Variants in DNAJC12 observed in about 807,000 individuals in gnomAD.
DNAJC12 encodes the protein DnaJ heat shock protein family (Hsp40) member C12, also known as dnaJ homolog subfamily C member 12.
DNAJC12 carries 25 observed loss-of-function variants against 28.5 expected under a neutral mutation model. The ratio of observed to expected loss-of-function variants is 0.88; its 90% CI spans 0.64 to 1.22. DNAJC12 has a LOEUF of 1.22. Ranked by LOEUF, DNAJC12 falls within the 50% of genes most tolerant of loss-of-function variation. The pLI is 0.00. For missense variants in DNAJC12, 222 were observed against 231.7 expected, an observed-to-expected ratio of 0.96 and a Z score of 0.27; for synonymous variants, 77 against 80.6, an observed-to-expected ratio of 0.95 and a Z score of 0.24.
intron 4 of DNAJC12, among the ~76,000 whole-genome samples, chr10:67,804,635 A>T (rs1841780720): frequency 6.6e-6 from 1 of 152,248 alleles, no homozygotes; most frequent in South Asian, 2.1e-4. Context: ...CTAGGATGTG[A>T]ACTCAGGTAG....
chr10:67,832,682 G>T (rs1168091885), intron 1 of DNAJC12, among the ~76,000 whole-genome samples: 3 of 152,196 alleles, frequency 2.0e-5, no homozygotes, highest in Non-Finnish European at 4.4e-5. Context: ...AAACACCATA[G>T]TAGTAACTGT....
rs1301397080 is a variant in DNAJC12 at position 67,819,724 on chromosome 10, AAGG to A, written c.157+3587_157+3589del. ...GAAGGAAGGAAGGAAGGAAGCAAGGAAGGAAGGAAGGAAGGAAGGAAGGAAGGA... is the reference window on the plus strand; with the variant it reads ...GAAGGAAGGAAGGAAGGAAGCAAGGAAAGGAAGGAAGGAAGGAAGGAAGGA... On this transcript the variant is annotated intron_variant, in intron 2 of 4. Transcript: ENST00000225171. Among the ~76,000 whole-genome samples the A allele has an allele frequency of 1.2e-3, 22 of 17,740 alleles. 2 individuals carry two copies. Among genetic ancestry groups the A allele is most frequent in the African/African-American group, 4.7e-3 (20 of 4,232 alleles). 11.6% of individuals were successfully genotyped at this position (17,740 alleles called of 152,430 possible). A position where few individuals can be genotyped will look rare whatever the true frequency, so the allele number is the denominator to read the frequency against.
chr10:67,812,714 G>T (rs1841873133), intron 2 of DNAJC12, among the ~76,000 whole-genome samples: 1 of 151,854 alleles, frequency 6.6e-6, no homozygotes, highest in Non-Finnish European at 1.5e-5. Context: ...AATAGCTGGG[G>T]GTGGTGGCAG....
rs756827183 is a variant in DNAJC12 at position 67,805,700 on chromosome 10, A to G, written c.385T>C (p.Cys129Arg). ...TTCTTTCTTTCTCTTTGCTCATTAC[A>G]TTCCTCATTTTCCATCTTGGTGGTA... The part of the protein sequence containing the change: ...THTTKMENEE[C>R]NEQRERKKEE... Residue 129 changes from cysteine to arginine, a missense_variant, in exon 4 of 5, where the codon TGT becomes CGT. Cys to Arg is a radical substitution (Grantham distance 180). Transcript: ENST00000225171. 2 of 1,610,820 alleles carry G rather than the reference A, an allele frequency of 1.2e-6. No homozygotes were observed. Among genetic ancestry groups the G allele is most frequent in the African/African-American group, 2.7e-5 (2 of 74,388 alleles).
intron 1 of DNAJC12, among the ~76,000 whole-genome samples, chr10:67,831,357 C>T (rs1418406877): frequency 2.0e-5 from 3 of 152,128 alleles, no homozygotes; most frequent in Non-Finnish European, 4.4e-5. Context: ...TCCACATTTC[C>T]TTATTGAACA....
chr10:67,798,336 A>G (rs1008306348), intron 4 of DNAJC12, among the ~76,000 whole-genome samples: 1 of 152,096 alleles, frequency 6.6e-6, no homozygotes, highest in Non-Finnish European at 1.5e-5. Context: ...GTATGATCTC[A>G]TTCCTAAACT....
At chr10:67,797,964 C>T (rs1480921797) in intron 4 of DNAJC12, among the ~76,000 whole-genome samples, 1 of 150,732 alleles carries the variant, frequency 6.6e-6, no homozygotes, top group Admixed American at 6.6e-5. Flanking sequence ...GGCGTGAACC[C>T]GGCATGCGGA....
intron 1 of DNAJC12, among the ~76,000 whole-genome samples, chr10:67,828,656 T>TTTTC (rs1842060823): frequency 6.9e-6 from 1 of 145,718 alleles, no homozygotes; most frequent in Non-Finnish European, 1.5e-5. Context: ...ATATTCTATT[T>TTTTC]TCTCTCTCTC....
At chr10:67,802,838 CGTGTGTGT>C (rs71006167) in intron 4 of DNAJC12, among the ~76,000 whole-genome samples, 12 of 143,028 alleles carry the variant, frequency 8.4e-5, no homozygotes, top group Non-Finnish European at 9.2e-5. Context: ...AGTTATTGTG[CGTGTGTGT>C]GTGTGTGTGT....
chr10:67,823,382 A>C lies in DNAJC12; in HGVS notation c.89T>G (p.Ile30Ser). The change falls in exon 2 of 5, where the codon ATC (isoleucine) becomes AGC (serine). Residue 30 changes from isoleucine to serine, a missense_variant. Transcript: ENST00000225171. ...AGCTCTGACTTTAAATTCTGCCAGG[A>C]TTTGTTCAACCTGAAACAAAAATCA... is the stretch of plus-strand genomic sequence containing the variant. Reference protein sequence around the residue: ...GCDELSSVEQILAEFKVRALE... With the variant: ...GCDELSSVEQSLAEFKVRALE... 1 of 1,614,020 alleles carries C rather than the reference A, an allele frequency of 6.2e-7. No homozygotes were observed. Among genetic ancestry groups the C allele is most frequent in the Non-Finnish European group, 8.5e-7 (1 of 1,180,000 alleles).
chr10:67,826,922 TATATATATCATGATATATATA>T (rs1378039420), intron 1 of DNAJC12, among the ~76,000 whole-genome samples: 2 of 141,252 alleles, frequency 1.4e-5, no homozygotes, highest in Non-Finnish European at 3.0e-5. Flanking sequence ...TGATATATAA[TATATATATCATGATATATATA>T]ATATATATCA....
At chr10:67,837,003 T>C (rs764999944) in intron 1 of DNAJC12, among the ~76,000 whole-genome samples, 16 of 150,830 alleles carry the variant, frequency 1.1e-4, no homozygotes, top group Admixed American at 6.6e-4. Flanking sequence ...CTCAACATTA[T>C]TTGAAATATT....
At chr10:67,816,198 A>T in intron 2 of DNAJC12, 1 of 397,672 alleles carries the variant, frequency 2.5e-6, no homozygotes, top group Non-Finnish European at 4.4e-6. Context: ...CAACAGTCAC[A>T]TTTTAAATGT....
At chr10:67,808,850 T>C (rs1841830398) in intron 3 of DNAJC12, among the ~76,000 whole-genome samples, 1 of 152,224 alleles carries the variant, frequency 6.6e-6, no homozygotes. Context: ...GATTGCCTTT[T>C]GAACCAGCAG....
intron 4 of DNAJC12, among the ~76,000 whole-genome samples, chr10:67,800,436 G>A (rs908035136): frequency 2.0e-5 from 3 of 152,122 alleles, no homozygotes; most frequent in African/African-American, 7.2e-5. Context: ...GAAGGACCTG[G>A]AGAATTTAGC....
intron 2 of DNAJC12, 67 bp from the exon 3 acceptor site, chr10:67,811,730 C>G: frequency 6.4e-7 from 1 of 1,553,520 alleles, no homozygotes; most frequent in Non-Finnish European, 8.7e-7. Flanking sequence ...CAAAACTATC[C>G]AACTGCTCTT....
chr10:67,801,836 CTTTTTTTTTTTTTTTTTTT>C (rs577511924), intron 4 of DNAJC12, among the ~76,000 whole-genome samples: 30 of 26,138 alleles, frequency 1.1e-3, no homozygotes, highest in African/African-American at 3.2e-3. Flanking sequence ...CCACTTCATT[CTTTTTTTTTTTTTTTTTTT>C]TTTTTTTTTT....
chr10:67,827,856 T>G (rs772979708), intron 1 of DNAJC12, among the ~76,000 whole-genome samples: 16 of 152,224 alleles, frequency 1.1e-4, no homozygotes, highest in Non-Finnish European at 2.1e-4. Flanking sequence ...CTTTCATTAT[T>G]TTTCATAGCT....
At chr10:67,819,757 A>AGGGAGG (rs1386763255) in intron 2 of DNAJC12, among the ~76,000 whole-genome samples, 2 of 16,090 alleles carry the variant, frequency 1.2e-4, no homozygotes, top group Non-Finnish European at 2.9e-4. Context: ...GAAGGAAGGA[A>AGGGAGG]GGAAGGAAGG....
Sources: gnomAD v4.1 joint callset for allele counts (sites outside exome capture counted in the v4.1 genomes callset) on GRCh38, gnomAD v4.1.1 for gene constraint, MANE v1.5 for transcripts, NCBI Gene and HGNC (gene_info 2026-07-23, HGNC 2026-07-21) for gene names.